Variants in PIEZO2 observed in about 807,000 individuals in gnomAD.
PIEZO2 encodes piezo type mechanosensitive ion channel component 2, also known as piezo-type mechanosensitive ion channel component 2.
Under a neutral mutation model 337.3 loss-of-function variants are expected in PIEZO2, and 172 were observed. That is an observed-to-expected ratio of 0.51 (90% CI 0.45 to 0.58). PIEZO2 has a LOEUF of 0.58. PIEZO2 is among the 20% of genes least tolerant of loss of function. The pLI, the probability that PIEZO2 is intolerant of heterozygous loss-of-function variation, is 0.00. For synonymous variants in PIEZO2, 1,251 were observed against 1,228.5 expected (o/e 1.02, Z -0.38); for missense variants, 3,028 against 3,391.3 (o/e 0.89, Z 2.66).
At chr18:10,693,115 A>G (rs937900659) in intron 47 of PIEZO2, among the ~76,000 whole-genome samples, 12 of 152,138 alleles carry the variant, frequency 7.9e-5, no homozygotes, top group African/African-American at 2.4e-4. Flanking sequence ...TTTATCCCTA[A>G]ATATGATAGT....
intron 7 of PIEZO2, among the ~76,000 whole-genome samples, chr18:10,839,888 A>T (rs1210522943): frequency 6.6e-6 from 1 of 152,246 alleles, no homozygotes; most frequent in Non-Finnish European, 1.5e-5. Context: ...ATGTAAACTT[A>T]CAGATGCTCA....
Position 11,101,741 on chromosome 18 carries a change from T to C in PIEZO2, c.65-35519A>G, listed in dbSNP as rs1368552055. Among the ~76,000 whole-genome samples the C allele has an allele frequency of 2.0e-5, 3 of 152,168 alleles. No individual in the cohort carries two copies. Among genetic ancestry groups the C allele is most frequent in the Non-Finnish European group, 4.4e-5 (3 of 68,026 alleles). On this transcript the variant is annotated intron_variant, in intron 1 of 55. Coordinates refer to ENST00000674853, the MANE Select transcript of PIEZO2 (RefSeq NM_001378183.1). This position sits in a 1 kb window ranked among gnomAD's most constrained non-coding sequence, Gnocchi z 4.4. ...TGGTCATTTTTCTCTTAGGTTATTGTTTTTTAAAAAATGCTAGATTGATAA... is the reference window on the plus strand; with the variant it reads ...TGGTCATTTTTCTCTTAGGTTATTGCTTTTTAAAAAATGCTAGATTGATAA...
intron 3 of PIEZO2, among the ~76,000 whole-genome samples, chr18:10,927,098 G>GC (rs990470322): frequency 6.6e-6 from 1 of 152,196 alleles, no homozygotes; most frequent in African/African-American, 2.4e-5. Flanking sequence ...GAGGGGGCGA[G>GC]CTGCACACTT....
chr18:11,050,470 G>C (rs1332702517), intron 2 of PIEZO2, among the ~76,000 whole-genome samples: 1 of 151,496 alleles, frequency 6.6e-6, no homozygotes, highest in African/African-American at 2.4e-5. Flanking sequence ...TAGTGATCTG[G>C]CAAAGTGTAT....
chr18:10,845,371 G>A (rs767175345), intron 7 of PIEZO2, among the ~76,000 whole-genome samples: 1 of 152,020 alleles, frequency 6.6e-6, no homozygotes, highest in Non-Finnish European at 1.5e-5. Flanking sequence ...GCTTTTAAGA[G>A]ACTATGAAAG....
intron 39 of PIEZO2, among the ~76,000 whole-genome samples, chr18:10,712,140 A>G (rs1598388250): frequency 6.6e-6 from 1 of 152,230 alleles, no homozygotes; most frequent in Non-Finnish European, 1.5e-5. Context: ...AGATTCCCCA[A>G]TATCCCTTCG....
chr18:10,702,049 A>G lies in PIEZO2; in HGVS notation c.6381T>C (p.Gly2127=). The G allele has an allele frequency of 1.3e-6, 2 of 1,536,796 alleles. No individual in the cohort carries two copies. The highest frequency in any genetic ancestry group is 1.7e-6 in the Non-Finnish European group (2 of 1,146,762). The change falls in exon 43 of 56, where the codon GGT becomes GGC. Residue 2127 remains glycine, a synonymous_variant. Transcript: ENST00000674853. The part of the protein sequence containing the change: ...PNIIGVEKKE[G]YVLYDLIQLL... ...GCTGGATGAGGTCATAGAGAACATA[A>G]CCTTCCTTCTTTTCCACTCCTATGA...
At chr18:11,008,638 C>CT (rs1396880072) in intron 2 of PIEZO2, among the ~76,000 whole-genome samples, 1 of 152,196 alleles carries the variant, frequency 6.6e-6, no homozygotes, top group Admixed American at 6.5e-5. Flanking sequence ...TTTCAAATTG[C>CT]TTTTGTGGTC....
chr18:10,836,293 G>A (rs1367578853), intron 7 of PIEZO2, among the ~76,000 whole-genome samples: 1 of 152,028 alleles, frequency 6.6e-6, no homozygotes, highest in Non-Finnish European at 1.5e-5. Flanking sequence ...ATCCCATCCT[G>A]AGCTTATTGG....
In PIEZO2 at chr18:10,681,844, C is replaced by T. The variant is rs2034280566; in HGVS notation, c.7687-91G>A. Reference sequence around the variant, plus strand: ...AAAAACATTTATGTAGGATATCAGCCCATTTATGTAGGCTATGTTTATCCC... The same window carrying T: ...AAAAACATTTATGTAGGATATCAGCTCATTTATGTAGGCTATGTTTATCCC... On this transcript the variant is annotated intron_variant, in intron 50 of 55. Transcript: ENST00000674853. 3 of 1,124,056 alleles carry T rather than the reference C, an allele frequency of 2.7e-6. 1 individual carries two copies. The highest frequency in any genetic ancestry group is 3.1e-5 in the African/African-American group (2 of 64,556). 69.6% of individuals were successfully genotyped at this position (1,124,056 alleles called of 1,614,324 possible).
Position 11,001,835 on chromosome 18 carries a change from A to G in PIEZO2, c.161-22175T>C, listed in dbSNP as rs985287179. On this transcript the variant is annotated intron_variant, in intron 2 of 55. Coordinates refer to ENST00000674853, the MANE Select transcript of PIEZO2 (RefSeq NM_001378183.1). This position sits in a 1 kb window ranked among gnomAD's most constrained non-coding sequence, Gnocchi z 5.3. ...AGAGGTTGCAGTGAGCTCAGATTGC[A>G]CCACTGTACTCCAGCCTGGGTGATA... Among the ~76,000 whole-genome samples the G allele has an allele frequency of 6.6e-6, 1 of 151,784 alleles. No individual in the cohort carries two copies. Among genetic ancestry groups the G allele is most frequent in the African/African-American group, 2.4e-5 (1 of 41,276 alleles).
intron 3 of PIEZO2, among the ~76,000 whole-genome samples, chr18:10,915,732 T>C (rs1179109415): frequency 6.6e-6 from 1 of 152,132 alleles, no homozygotes; most frequent in Non-Finnish European, 1.5e-5. Context: ...CCAAGGCCAA[T>C]GTTCTTATTT....
chr18:11,008,104 G>T (rs2035783287), intron 2 of PIEZO2, among the ~76,000 whole-genome samples: 1 of 152,080 alleles, frequency 6.6e-6, no homozygotes, highest in African/African-American at 2.4e-5. Context: ...CATAAGCCTG[G>T]GAATCCTTTT....
intron 3 of PIEZO2, among the ~76,000 whole-genome samples, chr18:10,927,181 G>T (rs2031794649): frequency 6.6e-6 from 1 of 151,998 alleles, no homozygotes; most frequent in Non-Finnish European, 1.5e-5. Flanking sequence ...TATCTGATTC[G>T]TCTTTCAGAT....
intron 7 of PIEZO2, among the ~76,000 whole-genome samples, chr18:10,816,133 C>T (rs1046091044): frequency 1.3e-5 from 2 of 152,182 alleles, no homozygotes; most frequent in Non-Finnish European, 2.9e-5. Context: ...GAGGAGCTTC[C>T]TTGTCAATTG....
At chr18:10,743,995 C>T (rs772275411) in intron 31 of PIEZO2, 147 bp downstream of exon 31, 18 of 592,602 alleles carry the variant, frequency 3.0e-5, no homozygotes, top group East Asian at 6.0e-5. Context: ...CAACTGCCCC[C>T]GCACAAGAAT....
chr18:11,113,882 C>G lies in PIEZO2; in HGVS notation c.64+34643G>C, dbSNP rs553624191. The stretch of plus-strand genomic sequence containing the variant: ...TGTGTTCTCAACCACATAATCCTTT[C>G]AGATGTAATTTTTTAGCATTGTCCT... On this transcript the variant is annotated intron_variant, in intron 1 of 55. Transcript: ENST00000674853. Among the ~76,000 whole-genome samples the G allele has an allele frequency of 2.6e-5, 4 of 152,340 alleles. No individual in the cohort carries two copies. In the South Asian group the frequency reaches 8.3e-4, roughly 32 times the overall value.
chr18:10,682,116 C>G lies in PIEZO2; in HGVS notation c.7674G>C (p.Leu2558=). 6.5e-7 allele frequency: 1 copy of G among 1,536,342 alleles called. No individual in the cohort carries two copies. Residue 2558 remains leucine, a synonymous_variant, in exon 50 of 56, where the codon CTG becomes CTC. Coordinates refer to ENST00000674853, the MANE Select transcript of PIEZO2 (RefSeq NM_001378183.1). This position sits in a 1 kb window ranked among gnomAD's most constrained non-coding sequence, Gnocchi z 5.6. ...QPLDVSVTIT[L]GGYQPIFTMS... ...GCACAGAGATCACCTGATACCCTCC[C>G]AGGGTAATTGTGACGGAGACGTCCA...
intron 3 of PIEZO2, among the ~76,000 whole-genome samples, chr18:10,938,776 A>G (rs1382635552): frequency 6.6e-6 from 1 of 152,222 alleles, no homozygotes; most frequent in Non-Finnish European, 1.5e-5. Context: ...GGTAACAATT[A>G]TTCACACTTT....
Sources: gnomAD v4.1 joint callset for allele counts (sites outside exome capture counted in the v4.1 genomes callset) on GRCh38, gnomAD v4.1.1 for gene constraint, Gnocchi (gnomAD v3.1) non-coding constraint, MANE v1.5 for transcripts, NCBI Gene and HGNC (gene_info 2026-07-23, HGNC 2026-07-21) for gene names.